Variants in GRAMD4 observed in about 807,000 individuals in gnomAD.
The protein encoded by GRAMD4 is GRAM domain containing 4.
In GRAMD4, 25 loss-of-function variants were observed where a neutral mutation model predicts 83.9. The ratio of observed to expected loss-of-function variants is 0.30; its 90% confidence interval spans 0.22 to 0.42. GRAMD4 has a LOEUF of 0.42. Among genes scored for constraint, GRAMD4 ranks in the 10% least tolerant of loss-of-function variants. GRAMD4 has a pLI of 1.00. For synonymous variants in GRAMD4, 336 were observed against 320.9 expected (o/e 1.05, Z -0.50); for missense variants, 593 against 788.7 (o/e 0.75, Z 2.97).
intron 5 of GRAMD4, among the ~76,000 whole-genome samples, chr22:46,661,793 G>A (rs980913516): frequency 1.3e-5 from 2 of 152,254 alleles, no homozygotes; most frequent in Non-Finnish European, 2.9e-5. Context: ...GGTCACTGCC[G>A]CTGCCCTGGT....
At chr22:46,673,422 G>A (rs368973234) in intron 14 of GRAMD4, among the ~76,000 whole-genome samples, 2 of 152,262 alleles carry the variant, frequency 1.3e-5, no homozygotes, top group East Asian at 1.9e-4. Context: ...CCAGGACCAC[G>A]GGGAATGAGC....
chr22:46,645,218 T>C (rs1387407242), intron 3 of GRAMD4, among the ~76,000 whole-genome samples: 1 of 152,090 alleles, frequency 6.6e-6, no homozygotes, highest in Non-Finnish European at 1.5e-5. Flanking sequence ...GAGGGATTAA[T>C]TGCAGATTAG....
At chr22:46,642,116 C>CT (rs1330305604) in intron 3 of GRAMD4, among the ~76,000 whole-genome samples, 1 of 152,268 alleles carries the variant, frequency 6.6e-6, no homozygotes, top group Non-Finnish European at 1.5e-5. Flanking sequence ...CTCTGGGCCT[C>CT]TTTCAGTTGG....
Position 46,620,436 on chromosome 22 carries a change from C to T in GRAMD4, c.-179C>T, listed in dbSNP as rs1053676944. On this transcript the variant is annotated 5_prime_UTR_variant, in exon 1 of 19. Transcript: ENST00000406902. The surrounding 1 kb of genome is among the most constrained non-coding windows in gnomAD (Gnocchi z 4.7). ...CCAGGGCAGCAGACACCACCCTCTC[C>T]GTGCCTGCTGGTGTTGGGCGGCTTG... 4.6e-5 allele frequency: 45 copies of T among 985,250 alleles called. No homozygotes were observed. The highest frequency in any genetic ancestry group is 1.1e-4 in the East Asian group (1 of 8,806). 61.0% of individuals were successfully genotyped at this position (985,250 alleles called of 1,614,324 possible). A position where few individuals can be genotyped will look rare whatever the true frequency, so the allele number is the denominator to read the frequency against.
chr22:46,578,752 C>T (rs2081069356), intron 1 of GRAMD4, among the ~76,000 whole-genome samples: 1 of 152,226 alleles, frequency 6.6e-6, no homozygotes, highest in African/African-American at 2.4e-5. Flanking sequence ...CCTGCCCCTC[C>T]TTCCTGCTGC....
intron 1 of GRAMD4, 27 bp from the exon 2 acceptor site, chr22:46,626,724 G>C: frequency 6.7e-7 from 1 of 1,488,394 alleles, no homozygotes; most frequent in South Asian, 1.2e-5. Flanking sequence ...TGGCGAGCGG[G>C]AGAGTGACCA....
At chr22:46,656,311 AG>A (rs977289621) in intron 3 of GRAMD4, among the ~76,000 whole-genome samples, 1 of 152,156 alleles carries the variant, frequency 6.6e-6, no homozygotes, top group African/African-American at 2.4e-5. Context: ...GGGGCTGGTG[AG>A]ATGCAGGTGC....
intron 3 of GRAMD4, among the ~76,000 whole-genome samples, chr22:46,646,673 G>T (rs1434658133): frequency 1.3e-5 from 2 of 152,212 alleles, no homozygotes; most frequent in East Asian, 3.8e-4. Context: ...TTGGACCTGG[G>T]CCTGTGGGTG....
Position 46,673,655 on chromosome 22 carries a change from G to A in GRAMD4, c.1240-15G>A. On this transcript the variant is annotated splice_polypyrimidine_tract_variant and intron_variant, in intron 14 of 18. Coordinates refer to ENST00000406902, the MANE Select transcript of GRAMD4 (RefSeq NM_015124.5). ...GGGCAGCGGGCCTGACCTCGACGCT[G>A]TTTGCCGTTGGCAGCTGCAGACGAC... 1.2e-6 allele frequency: 2 copies of A among 1,608,516 alleles called. No individual in the cohort carries two copies. The highest frequency in any genetic ancestry group is 2.2e-5 in the East Asian group (1 of 44,756).
chr22:46,674,549 C>T (rs969468408), intron 15 of GRAMD4, 108 bp from the exon 16 acceptor site: 30 of 818,448 alleles, frequency 3.7e-5, no homozygotes, highest in Middle Eastern at 4.6e-4. Flanking sequence ...GACGTGAGCG[C>T]GGTGGGCGGA....
upstream of GRAMD4, among the ~76,000 whole-genome samples, chr22:46,620,019 C>T (rs566777779): frequency 2.6e-5 from 4 of 152,132 alleles, no homozygotes; most frequent in Non-Finnish European, 5.9e-5. The surrounding 1 kb of genome is among the most constrained non-coding windows in gnomAD (Gnocchi z 4.7). Context: ...TGGAGGTCAG[C>T]TGTGATCCAG....
At chr22:46,608,935 G>C (rs1416652633) in intron 1 of GRAMD4, among the ~76,000 whole-genome samples, 1 of 151,994 alleles carries the variant, frequency 6.6e-6, no homozygotes, top group Non-Finnish European at 1.5e-5. Context: ...ACTGGGCAGT[G>C]GCACGTGCCT....
intron 10 of GRAMD4, among the ~76,000 whole-genome samples, 153 bp from the exon 11 acceptor site, chr22:46,667,943 C>T (rs541555467): frequency 1.6e-4 from 24 of 152,342 alleles, no homozygotes; most frequent in African/African-American, 4.6e-4. Context: ...GGGGTGTCCT[C>T]CTGGTGCCAG....
intron 1 of GRAMD4, among the ~76,000 whole-genome samples, chr22:46,578,233 C>T (rs950731913): frequency 6.6e-6 from 1 of 152,184 alleles, no homozygotes; most frequent in Admixed American, 6.5e-5. Context: ...AGGTGTCTCT[C>T]CTACATGCCA....
rs1398518934 is a variant in GRAMD4 at position 46,674,510 on chromosome 22, C to G, written c.1385-147C>G. 4.3e-6 allele frequency: 3 copies of G among 698,166 alleles called. No individual in the cohort carries two copies. In the African/African-American group the frequency reaches 5.2e-5, roughly 12 times the overall value. The allele number at this position is 698,166 out of a possible 1,614,324, so 43.2% of individuals were successfully genotyped here. A position where few individuals can be genotyped will look rare whatever the true frequency, so the allele number is the denominator to read the frequency against. On this transcript the variant is annotated intron_variant, in intron 15 of 18. Coordinates refer to ENST00000406902, the MANE Select transcript of GRAMD4 (RefSeq NM_015124.5). Reference sequence around the variant, plus strand: ...ACCCTCTGGGGCCACCTCACTCTTGCCGGCGCGCCTTCCTCTCACTGTGGG... The same window carrying G: ...ACCCTCTGGGGCCACCTCACTCTTGGCGGCGCGCCTTCCTCTCACTGTGGG...
Position 46,644,697 on chromosome 22 carries a change from GTTTTTTTTTTTTTT to G in GRAMD4, c.283+6761_283+6774del, listed in dbSNP as rs71192437. ...TCATCCACTTGTCCACTTGTTCCCT[GTTTTTTTTTTTTTT>G]TTTTTTTTTTTTTTTTTTTTTTTAC... On this transcript the variant is annotated intron_variant, in intron 3 of 18. Coordinates refer to ENST00000406902, the MANE Select transcript of GRAMD4 (RefSeq NM_015124.5). Among the ~76,000 whole-genome samples, 293 of 97,352 alleles carry G rather than the reference GTTTTTTTTTTTTTT, an allele frequency of 3.0e-3. 1 individual carries two copies. Among genetic ancestry groups the G allele is most frequent in the African/African-American group, 9.7e-3 (242 of 24,960 alleles). The allele number at this position is 97,352 out of a possible 152,430, so 63.9% of individuals were successfully genotyped here. A position where few individuals can be genotyped will look rare whatever the true frequency, so the allele number is the denominator to read the frequency against.
At chr22:46,667,157 G>T (rs535511844) in intron 10 of GRAMD4, among the ~76,000 whole-genome samples, 2 of 152,246 alleles carry the variant, frequency 1.3e-5, no homozygotes, top group African/African-American at 4.8e-5. Context: ...GGTATGGCAG[G>T]GGTGGGGGAC....
At chr22:46,592,780 G>A (rs187898797) in intron 1 of GRAMD4, among the ~76,000 whole-genome samples, 34 of 152,296 alleles carry the variant, frequency 2.2e-4, no homozygotes, top group Non-Finnish European at 3.5e-4. Context: ...GGCCGGCATC[G>A]TGGAGGGGCT....
rs369736360 is a variant in GRAMD4, at chr22:46,668,716, C to G, written c.958C>G (p.Leu320Val). ...QNLFGKMADILEKIKNLFMWV... is the reference protein window; with the variant it reads ...QNLFGKMADIVEKIKNLFMWV... ...CCTTTTCGGGAAGATGGCTGACATCCTGGAGAAGATCAAGAAGTAAGTCCC... is the reference window on the plus strand; with the variant it reads ...CCTTTTCGGGAAGATGGCTGACATCGTGGAGAAGATCAAGAAGTAAGTCCC... Residue 320 changes from leucine (L) to valine (V), a missense_variant, in exon 12 of 19, where the codon CTG becomes GTG. By Grantham distance (32) the Leu-to-Val change is conservative (BLOSUM62 1). Around this residue, in one of 4 missense-constraint regions of GRAMD4, gnomAD observed 36 missense variants for 85.8 expected, o/e 0.42. Coordinates refer to ENST00000406902, the MANE Select transcript of GRAMD4 (RefSeq NM_015124.5). The G allele has an allele frequency of 3.4e-5, 55 of 1,612,542 alleles. No homozygotes were observed. The highest frequency in any genetic ancestry group is 4.6e-5 in the Non-Finnish European group (54 of 1,179,354).
Sources: gnomAD v4.1 joint callset for allele counts (sites outside exome capture counted in the v4.1 genomes callset) on GRCh38, gnomAD v4.1.1 for gene constraint, gnomAD v4.1.1 regional missense constraint, Gnocchi (gnomAD v3.1) non-coding constraint, MANE v1.5 for transcripts, NCBI Gene and HGNC (gene_info 2026-07-23, HGNC 2026-07-21) for gene names.